Variants in MIB1 observed in about 807,000 individuals in gnomAD.
The protein encoded by MIB1 is MIB E3 ubiquitin protein ligase 1.
Under a neutral mutation model 124.5 loss-of-function variants are expected in MIB1, and 278 were observed. That is an observed-to-expected ratio of 2.23 (90% confidence interval 2.02 to 2.47). The LOEUF is 2.47. Ranked by LOEUF, MIB1 falls within the 30% of genes most tolerant of loss-of-function variation. The pLI, the probability that MIB1 is intolerant of heterozygous loss-of-function variation, is 0.00. For synonymous variants in MIB1, 446 were observed against 429.4 expected, an observed-to-expected ratio of 1.04 and a Z score of -0.48; for missense variants, 957 against 1,254.4, an observed-to-expected ratio of 0.76 and a Z score of 3.58.
intron 12 of MIB1, chr18:21,825,738 T>C (rs751920979): frequency 3.8e-6 from 2 of 531,678 alleles, no homozygotes; most frequent in Admixed American, 2.0e-5. Flanking sequence ...ACCAAATCCA[T>C]TGAAGAGGCG....
rs1211814790 is a variant in MIB1 at position 21,781,375 on chromosome 18, A to G, written c.908+1690A>G. On this transcript the variant is annotated intron_variant, in intron 6 of 20. Transcript: ENST00000261537. ...ATTGGTCTGTTCAAGTTATATATAT[A>G]TATATATATATATATATATATATAT... 1.1e-3 allele frequency among the ~76,000 whole-genome samples: 38 copies of G among 34,964 alleles called. No individual in the cohort carries two copies. The East Asian group carries it at 0.032, about 30-fold the overall frequency. The allele number at this position is 34,964 out of a possible 152,430, so 22.9% of individuals were successfully genotyped here. A position where few individuals can be genotyped will look rare whatever the true frequency, so the allele number is the denominator to read the frequency against.
At position 21,779,656 on chromosome 18, in the gene MIB1, C is replaced by T. The variant is rs1041158143; in HGVS notation, c.879C>T (p.Asp293=). ...GTVCGIDEDH[D]IVVQYPSGNR... ...TTTGTGGCATTGATGAAGATCATGA[C>T]ATTGTAGTACAGTATCCAAGTGGCA... The change falls in exon 6 of 21, where the codon GAC becomes GAT. Residue 293 remains aspartate (D), a synonymous_variant. Coordinates refer to ENST00000261537, the MANE Select transcript of MIB1 (RefSeq NM_020774.4). The T allele has an allele frequency of 6.2e-7, 1 of 1,614,004 alleles. No individual in the cohort carries two copies.
chr18:21,744,016 A>G (rs1419939277), intron 1 of MIB1, among the ~76,000 whole-genome samples: 5 of 151,304 alleles, frequency 3.3e-5, no homozygotes, highest in Non-Finnish European at 7.4e-5. Flanking sequence ...TTTAACAAAC[A>G]TTTTAAGAGC....
intron 1 of MIB1, among the ~76,000 whole-genome samples, chr18:21,721,028 T>A (rs1308580746): frequency 2.0e-5 from 3 of 152,040 alleles, no homozygotes; most frequent in African/African-American, 7.2e-5. Flanking sequence ...TGCAACTGAG[T>A]GATGGTACTG....
chr18:21,783,120 T>C (rs2146431741), intron 6 of MIB1, among the ~76,000 whole-genome samples: 1 of 152,274 alleles, frequency 6.6e-6, no homozygotes, highest in African/African-American at 2.4e-5. Context: ...TTGTGTGCAA[T>C]ATCTTTTTCC....
chr18:21,817,333 C>T (rs2041839629), intron 11 of MIB1, among the ~76,000 whole-genome samples: 1 of 151,524 alleles, frequency 6.6e-6, no homozygotes, highest in Admixed American at 6.6e-5. Flanking sequence ...TAGAAATGCC[C>T]AGGTTGGTCT....
intron 2 of MIB1, among the ~76,000 whole-genome samples, chr18:21,767,142 A>T (rs905295595): frequency 6.6e-6 from 1 of 152,208 alleles, no homozygotes; most frequent in Non-Finnish European, 1.5e-5. Context: ...ACATACATAT[A>T]TTAATCCCTT....
At chr18:21,827,777 T>G (rs1433094538) in intron 12 of MIB1, 1 of 152,034 alleles carries the variant, frequency 6.6e-6, no homozygotes, top group East Asian at 1.9e-4. Flanking sequence ...TATAATCTGA[T>G]AAAATGAAAA....
intron 1 of MIB1, among the ~76,000 whole-genome samples, chr18:21,746,545 T>C (rs2040915079): frequency 6.6e-6 from 1 of 152,222 alleles, no homozygotes; most frequent in Non-Finnish European, 1.5e-5. Flanking sequence ...GTAAAGTCTG[T>C]AGTCAAGTAG....
At position 21,819,656 on chromosome 18, in the gene MIB1, C is replaced by A; in HGVS notation, c.1829+10C>A. The stretch of plus-strand genomic sequence containing the variant: ...TAAGGGGAAATCCCAGGTATGTCAC[C>A]CCTTACTATTTTAGGTGCAATTCAA... On this transcript the variant is annotated intron_variant, in intron 12 of 20. Coordinates refer to ENST00000261537, the MANE Select transcript of MIB1 (RefSeq NM_020774.4). The A allele has an allele frequency of 6.7e-7, 1 of 1,490,524 alleles. No homozygotes were observed. Among genetic ancestry groups the A allele is most frequent in the Non-Finnish European group, 9.0e-7 (1 of 1,113,466 alleles). 92.3% of individuals were successfully genotyped at this position (1,490,524 alleles called of 1,614,324 possible).
At chr18:21,792,137 A>G (rs2146443749) in intron 7 of MIB1, among the ~76,000 whole-genome samples, 1 of 151,296 alleles carries the variant, frequency 6.6e-6, no homozygotes, top group Non-Finnish European at 1.5e-5. Context: ...CTTTGGTATT[A>G]CTCTGTCACC....
intron 17 of MIB1, among the ~76,000 whole-genome samples, chr18:21,852,294 C>T (rs772629935): frequency 6.6e-6 from 1 of 152,104 alleles, no homozygotes; most frequent in Non-Finnish European, 1.5e-5. Context: ...TTGGGAAAGT[C>T]CATAGAGAGA....
intron 1 of MIB1, among the ~76,000 whole-genome samples, chr18:21,714,713 A>G (rs11873192): frequency 0.3 from 45,466 of 152,064 alleles, 8,061 homozygotes; most frequent in African/African-American, 0.48. Flanking sequence ...CATGCACTCT[A>G]GGGAAACCAA....
chr18:21,813,070 G>A (rs964822756), intron 10 of MIB1, among the ~76,000 whole-genome samples: 1 of 151,924 alleles, frequency 6.6e-6, no homozygotes, highest in African/African-American at 2.4e-5. Flanking sequence ...AAACATATCA[G>A]TTTTTAATTC....
chr18:21,826,090 CA>C, intron 12 of MIB1: 1 of 194,588 alleles, frequency 5.1e-6, no homozygotes, highest in South Asian at 7.5e-5. Context: ...TACATGTAGA[CA>C]ATAAGCTATT....
At chr18:21,827,132 A>G (rs1435515119) in intron 12 of MIB1, 2 of 152,260 alleles carry the variant, frequency 1.3e-5, no homozygotes, top group Admixed American at 6.5e-5. Flanking sequence ...TAATGTCAGC[A>G]TCTGTTATCC....
intron 1 of MIB1, among the ~76,000 whole-genome samples, chr18:21,756,921 A>T (rs912895993): frequency 2.6e-5 from 4 of 152,204 alleles, no homozygotes; most frequent in African/African-American, 9.7e-5. Context: ...GGCATTATGC[A>T]TACTTGTAAT....
chr18:21,737,582 GC>G (rs1375716586), upstream of MIB1, among the ~76,000 whole-genome samples: 1 of 152,080 alleles, frequency 6.6e-6, no homozygotes, highest in African/African-American at 2.4e-5. Context: ...ACACACACTG[GC>G]AAATTGGATA....
chr18:21,790,136 T>C (rs1265062028), intron 6 of MIB1, among the ~76,000 whole-genome samples: 1 of 152,242 alleles, frequency 6.6e-6, no homozygotes, highest in Non-Finnish European at 1.5e-5. Context: ...AACTAGATAA[T>C]ATTTTTATCC....
Sources: allele counts gnomAD v4.1 joint callset (sites outside exome capture counted in the v4.1 genomes callset), GRCh38; gene constraint gnomAD v4.1.1; transcripts MANE v1.5; gene names NCBI Gene and HGNC (gene_info 2026-07-23, HGNC 2026-07-21).